EIPR1: variants seen among roughly 807,000 people sequenced by gnomAD.
EIPR1 encodes EARP and GARP complex-interacting protein 1.
Under a neutral mutation model 48.1 loss-of-function variants are expected in EIPR1, and 25 were observed. The ratio of observed to expected loss-of-function variants is 0.52; its 90% CI spans 0.38 to 0.73. The LOEUF (loss-of-function observed/expected upper bound fraction) is 0.73, where lower values mean the gene tolerates loss of function less well. EIPR1 is among the 30% of genes least tolerant of loss of function. The pLI is 0.00. For missense variants in EIPR1, 415 were observed against 506.2 expected (o/e 0.82, Z 1.73); for synonymous variants, 204 against 201.9 (o/e 1.01, Z -0.09).
At chr2:3,236,514 T>C (rs191672292) in intron 4 of EIPR1, among the ~76,000 whole-genome samples, 51 of 152,042 alleles carry the variant, frequency 3.4e-4, no homozygotes, top group African/African-American at 1.1e-3. Flanking sequence ...CTGAGAAAGG[T>C]GACTACAGGG....
chr2:3,260,102 A>C (rs1667280252), intron 3 of EIPR1, among the ~76,000 whole-genome samples: 1 of 151,982 alleles, frequency 6.6e-6, no homozygotes, highest in Admixed American at 6.5e-5. Flanking sequence ...AAGAACTTCT[A>C]TTCACCAAAA....
chr2:3,356,520 A>G (rs1475494298), intron 1 of EIPR1, among the ~76,000 whole-genome samples: 1 of 152,254 alleles, frequency 6.6e-6, no homozygotes, highest in Non-Finnish European at 1.5e-5. Flanking sequence ...CATCTGTTTT[A>G]GGACAAGCAT....
At chr2:3,336,917 A>AAAAGG (rs1302176529) in intron 3 of EIPR1, among the ~76,000 whole-genome samples, 3 of 79,462 alleles carry the variant, frequency 3.8e-5, no homozygotes, top group Non-Finnish European at 8.7e-5. Flanking sequence ...AAGGGAAGGG[A>AAAAGG]AAAGGGAAGG....
intron 4 of EIPR1, among the ~76,000 whole-genome samples, chr2:3,238,219 A>G (rs1473381656): frequency 6.6e-6 from 1 of 152,188 alleles, no homozygotes; most frequent in African/African-American, 2.4e-5. Context: ...AAACTCAATC[A>G]TGTGTGGCCA....
intron 3 of EIPR1, chr2:3,319,595 C>T (rs1669428478): frequency 6.1e-6 from 1 of 163,974 alleles, no homozygotes; most frequent in Non-Finnish European, 1.3e-5. Flanking sequence ...CCTTATCACT[C>T]TCCATGCCCA....
At chr2:3,235,315 G>A (rs55835895) in intron 4 of EIPR1, among the ~76,000 whole-genome samples, 6,191 of 152,300 alleles carry the variant, frequency 0.041, 144 homozygotes, top group South Asian at 0.074. Context: ...GGCCTCAACC[G>A]GCCTTCATCT....
intron 4 of EIPR1, among the ~76,000 whole-genome samples, chr2:3,253,618 C>G (rs893283326): frequency 6.6e-6 from 1 of 152,200 alleles, no homozygotes; most frequent in African/African-American, 2.4e-5. Flanking sequence ...TACTTCCCAG[C>G]TAGTCTCTGT....
chr2:3,360,487 A>G (rs570673031), intron 1 of EIPR1, among the ~76,000 whole-genome samples: 1 of 152,318 alleles, frequency 6.6e-6, no homozygotes, highest in African/African-American at 2.4e-5. Flanking sequence ...ACCACCCTGT[A>G]GGGAACCAAA....
Position 3,377,672 on chromosome 2 carries a change from T to C in EIPR1, c.18A>G (p.Pro6=). Residue 6 remains proline, a synonymous_variant, in exon 1 of 9, where the codon CCA becomes CCG. Transcript: ENST00000382125. The stretch of plus-strand genomic sequence containing the variant: ...CCTGGAACTCCAGCCCGTAGATCAC[T>C]GGTGCATCGTCCTCCATGCTGCGGG... MEDDA[P]VIYGLEFQAR... is the part of the protein sequence containing the mutation. 1 of 1,582,208 alleles carries C rather than the reference T, an allele frequency of 6.3e-7. No homozygotes were observed. The highest frequency in any genetic ancestry group is 1.2e-5 in the South Asian group (1 of 86,650).
At chr2:3,225,567 C>T (rs552769158) in intron 4 of EIPR1, among the ~76,000 whole-genome samples, 2 of 152,294 alleles carry the variant, frequency 1.3e-5, no homozygotes, top group East Asian at 3.9e-4. Context: ...TTTTGATATG[C>T]ACACACATTG....
At chr2:3,193,919 T>C in intron 7 of EIPR1, 80 bp downstream of exon 7, 1 of 1,520,328 alleles carries the variant, frequency 6.6e-7, no homozygotes, top group Non-Finnish European at 9.0e-7. Context: ...AGCTGGTTTG[T>C]GTCTTTCCCA....
chr2:3,376,814 C>G (rs2103399377), intron 1 of EIPR1, among the ~76,000 whole-genome samples: 1 of 152,248 alleles, frequency 6.6e-6, no homozygotes, highest in East Asian at 1.9e-4. Context: ...TCCCTCAGTG[C>G]TTTAGGCATA....
intron 3 of EIPR1, among the ~76,000 whole-genome samples, chr2:3,283,962 A>T (rs111843571): frequency 7.0e-6 from 1 of 142,560 alleles, no homozygotes. Context: ...AAAAAAAAAA[A>T]AAAGAAAGAA....
chr2:3,287,670 A>AAAGCTCGTTCACCACAATCCGG (rs1668241035), intron 3 of EIPR1, among the ~76,000 whole-genome samples: 1 of 151,676 alleles, frequency 6.6e-6, no homozygotes, highest in Admixed American at 6.6e-5. Context: ...CACAATCCGG[A>AAAGCTCGTTCACCACAATCCGG]AAGCGCGTTC....
chr2:3,330,449 CCACA>C lies in EIPR1; in HGVS notation c.259+7564_259+7567del, dbSNP rs562645110. ...GTGCCCTCTGTTGATTGAGAGGCCACCACACAGAGTGTCGCCGAGGATGGTGTGA... is the reference window on the plus strand; with the variant it reads ...GTGCCCTCTGTTGATTGAGAGGCCACCAGAGTGTCGCCGAGGATGGTGTGA... On this transcript the variant is annotated intron_variant, in intron 3 of 8. Coordinates refer to ENST00000382125, the MANE Select transcript of EIPR1 (RefSeq NM_003310.5). 4.3e-4 allele frequency among the ~76,000 whole-genome samples: 65 copies of C among 152,276 alleles called. 1 individual carries two copies. The highest frequency in any genetic ancestry group is 3.5e-3 in the Admixed American group (54 of 15,298).
At chr2:3,301,809 C>T (rs972067218) in intron 3 of EIPR1, among the ~76,000 whole-genome samples, 1 of 152,182 alleles carries the variant, frequency 6.6e-6, no homozygotes, top group African/African-American at 2.4e-5. Flanking sequence ...TACTCAAACC[C>T]ACCATTTAAA....
intron 2 of EIPR1, among the ~76,000 whole-genome samples, chr2:3,342,601 T>C (rs1327578976): frequency 6.6e-6 from 1 of 152,244 alleles, no homozygotes; most frequent in Admixed American, 6.5e-5. Flanking sequence ...CCCGCCTTTC[T>C]TCCCATAAAG....
chr2:3,350,919 A>T (rs1163387830), intron 2 of EIPR1, among the ~76,000 whole-genome samples: 1 of 149,962 alleles, frequency 6.7e-6, no homozygotes, highest in Non-Finnish European at 1.5e-5. Context: ...CTTCTTTAAA[A>T]TAATTAATTG....
intron 7 of EIPR1, among the ~76,000 whole-genome samples, chr2:3,193,788 G>T (rs927137690): frequency 1.3e-5 from 2 of 152,190 alleles, no homozygotes; most frequent in South Asian, 2.1e-4. Flanking sequence ...AGAGAAAACA[G>T]AATTTAATGT....
Sources: gnomAD v4.1 joint callset for allele counts (sites outside exome capture counted in the v4.1 genomes callset) on GRCh38, gnomAD v4.1.1 for gene constraint, MANE v1.5 for transcripts, NCBI Gene and HGNC (gene_info 2026-07-23, HGNC 2026-07-21) for gene names.